The following PRDM12 variants were observed in gnomAD, a reference collection of about 807,000 sequenced individuals.
PRDM12 encodes the protein PR/SET domain 12.
PRDM12 carries 17 observed loss-of-function variants against 29.6 expected under a neutral mutation model. The ratio of observed to expected loss-of-function variants is 0.57; its 90% CI spans 0.39 to 0.86. The LOEUF is 0.86. Among genes scored for constraint, PRDM12 ranks in the 40% least tolerant of loss-of-function variants. The pLI is 0.00. For missense variants in PRDM12, 422 were observed against 510.8 expected (o/e 0.83, Z 1.68); for synonymous variants, 231 against 225.8 (o/e 1.02, Z -0.21).
chr9:130,666,886 C>T (rs1830738994), intron 2 of PRDM12, 88 bp downstream of exon 2: 3 of 1,476,734 alleles, frequency 2.0e-6, no homozygotes, highest in East Asian at 4.9e-5. Flanking sequence ...GTCGCCGCTT[C>T]CACCCGGGCT....
intron 3 of PRDM12, among the ~76,000 whole-genome samples, chr9:130,678,150 T>G (rs1830860203): frequency 6.6e-6 from 1 of 151,986 alleles, no homozygotes; most frequent in African/African-American, 2.4e-5. Flanking sequence ...AACATCTGGC[T>G]CAGCCCTGCA....
Position 130,668,369 on chromosome 9 carries a change from G to T in PRDM12, c.570+56G>T. On this transcript the variant is annotated intron_variant, in intron 3 of 4. Transcript: ENST00000253008. This position sits in a 1 kb window ranked among gnomAD's most constrained non-coding sequence, Gnocchi z 4.0. ...GGACCAGCCGGTAAACCCGGCGGGG[G>T]GAGGTGTGCAGGGCAGCGGTGTCCA... The T allele has an allele frequency of 1.2e-6, 2 of 1,605,660 alleles. No homozygotes were observed. The highest frequency in any genetic ancestry group is 1.7e-6 in the Non-Finnish European group (2 of 1,173,936).
At chr9:130,670,112 G>C (rs543736142) in intron 3 of PRDM12, among the ~76,000 whole-genome samples, 13 of 152,152 alleles carry the variant, frequency 8.5e-5, no homozygotes, top group Non-Finnish European at 1.9e-4. Context: ...CCCACAGGCT[G>C]CTGGGGGTAG....
At chr9:130,677,650 C>G (rs952596131) in intron 3 of PRDM12, among the ~76,000 whole-genome samples, 1 of 152,220 alleles carries the variant, frequency 6.6e-6, no homozygotes, top group South Asian at 2.1e-4. Flanking sequence ...TGGAGCTTCC[C>G]CACTTGGGAG....
At chr9:130,678,482 C>G in intron 3 of PRDM12, 47 bp from the exon 4 acceptor site, 1 of 1,434,186 alleles carries the variant, frequency 7.0e-7, no homozygotes, top group Non-Finnish European at 9.7e-7. Flanking sequence ...CAACTCTCAC[C>G]TCCCAGCTGC....
chr9:130,680,457 AC>A (rs1588189332), intron 4 of PRDM12, among the ~76,000 whole-genome samples: 1 of 151,156 alleles, frequency 6.6e-6, no homozygotes, highest in Non-Finnish European at 1.5e-5. Context: ...ACATGGTGAA[AC>A]CCCGTCTGTA....
At chr9:130,665,653 C>T (rs955241655) in intron 1 of PRDM12, among the ~76,000 whole-genome samples, 10 of 152,190 alleles carry the variant, frequency 6.6e-5, no homozygotes, top group Non-Finnish European at 4.4e-5. Flanking sequence ...CAGCATTCTT[C>T]CAGGGCTAAT....
At chr9:130,680,632 A>T (rs868770483) in intron 4 of PRDM12, among the ~76,000 whole-genome samples, 1,191 of 76,730 alleles carry the variant, frequency 0.016, 13 homozygotes, top group African/African-American at 0.061. Context: ...CTAAAAAAAA[A>T]AAATATATAT....
At chr9:130,672,996 G>A (rs142134881) in intron 3 of PRDM12, among the ~76,000 whole-genome samples, 135 of 152,346 alleles carry the variant, frequency 8.9e-4, no homozygotes, top group African/African-American at 3.1e-3. Context: ...AAAGAGACTC[G>A]GGCGCTGGTA....
chr9:130,674,532 G>GTA (rs10667683), intron 3 of PRDM12, among the ~76,000 whole-genome samples: 1 of 144,678 alleles, frequency 6.9e-6, no homozygotes, highest in Non-Finnish European at 1.5e-5. Context: ...GTGTGTGTGT[G>GTA]TATAGAAGTA....
intron 1 of PRDM12, among the ~76,000 whole-genome samples, chr9:130,665,312 G>C (rs1830722190): frequency 6.6e-6 from 1 of 152,100 alleles, no homozygotes; most frequent in Admixed American, 6.5e-5. Context: ...GGCTGGGGAG[G>C]GGGTGGAGGG....
At position 130,664,638 on chromosome 9, in the gene PRDM12, G is replaced by A. The variant is rs1588183134; in HGVS notation, c.-16G>A. 2 of 1,534,902 alleles carry A rather than the reference G, an allele frequency of 1.3e-6. No individual in the cohort carries two copies. The highest frequency in any genetic ancestry group is 2.4e-5 in the East Asian group (1 of 41,722). ...GGCCCGGCCGTCCCCCGGCGCCGGG[G>A]AGCTCCGGGCCGCCCATGATGGGCT... On this transcript the variant is annotated 5_prime_UTR_variant, in exon 1 of 5. Transcript: ENST00000253008. The surrounding 1 kb of genome is among the most constrained non-coding windows in gnomAD (Gnocchi z 6.4).
chr9:130,669,159 C>A (rs935823064), intron 3 of PRDM12, among the ~76,000 whole-genome samples: 1 of 151,694 alleles, frequency 6.6e-6, no homozygotes, highest in African/African-American at 2.4e-5. Flanking sequence ...AACCCCGTCT[C>A]TACTAAAAAT....
rs1452741649 is a variant in PRDM12, at chr9:130,668,284, G to A, written c.541G>A (p.Gly181Ser). The change falls in exon 3 of 5, where the codon GGC (glycine) becomes AGC (serine). Residue 181 changes from glycine to serine, a missense_variant. Coordinates refer to ENST00000253008, the MANE Select transcript of PRDM12 (RefSeq NM_021619.3). This position sits in a 1 kb window ranked among gnomAD's most constrained non-coding sequence, Gnocchi z 4.0. ...GCAGAACCTGGAGGTGGTCCAGATCGGCACCAGCATCTTCTACAAGGCCAT... is the reference window on the plus strand; with the variant it reads ...GCAGAACCTGGAGGTGGTCCAGATCAGCACCAGCATCTTCTACAAGGCCAT... ...QEQNLEVVQI[G>S]TSIFYKAIEM... 6.2e-6 allele frequency: 10 copies of A among 1,613,988 alleles called. No homozygotes were observed. The highest frequency in any genetic ancestry group is 4.0e-5 in the African/African-American group (3 of 74,880).
In PRDM12 at chr9:130,681,128, G is replaced by A. The variant is rs1830896084; in HGVS notation, c.683-120G>A. The stretch of plus-strand genomic sequence containing the variant: ...CGTCCAAGCAGCACCCACCCTCAAG[G>A]ACGGACCGGCCCCGGGCTGGGGGCG... On this transcript the variant is annotated intron_variant, in intron 4 of 4. Transcript: ENST00000253008. This position sits in a 1 kb window ranked among gnomAD's most constrained non-coding sequence, Gnocchi z 8.1. 3 of 1,101,286 alleles carry A rather than the reference G, an allele frequency of 2.7e-6. No homozygotes were observed. The highest frequency in any genetic ancestry group is 1.7e-5 in the African/African-American group (1 of 60,494). The allele number at this position is 1,101,286 out of a possible 1,614,324, so 68.2% of individuals were successfully genotyped here. A position where few individuals can be genotyped will look rare whatever the true frequency, so the allele number is the denominator to read the frequency against.
chr9:130,673,587 A>G (rs1361850900), intron 3 of PRDM12, among the ~76,000 whole-genome samples: 1 of 151,240 alleles, frequency 6.6e-6, no homozygotes, highest in African/African-American at 2.4e-5. Flanking sequence ...TCCTGGGTTC[A>G]GGTGATTAAA....
chr9:130,666,445 G>A (rs1316625241), intron 1 of PRDM12, among the ~76,000 whole-genome samples, 163 bp from the exon 2 acceptor site: 3 of 152,310 alleles, frequency 2.0e-5, no homozygotes, highest in Non-Finnish European at 4.4e-5. Flanking sequence ...TTGAGCCTCC[G>A]CACATCCGAC....
chr9:130,673,542 G>C (rs1830807714), intron 3 of PRDM12, among the ~76,000 whole-genome samples: 1 of 151,780 alleles, frequency 6.6e-6, no homozygotes, highest in Non-Finnish European at 1.5e-5. Context: ...CTCTGTCTCT[G>C]AGGCTGGAGT....
At chr9:130,672,942 A>C (rs1322376357) in intron 3 of PRDM12, among the ~76,000 whole-genome samples, 1 of 152,224 alleles carries the variant, frequency 6.6e-6, no homozygotes, top group African/African-American at 2.4e-5. Flanking sequence ...TTCTGGGCTG[A>C]TAGGGCCCAG....
Sources: gnomAD v4.1 joint callset for allele counts (sites outside exome capture counted in the v4.1 genomes callset) on GRCh38, gnomAD v4.1.1 for gene constraint, Gnocchi (gnomAD v3.1) non-coding constraint, MANE v1.5 for transcripts, NCBI Gene and HGNC (gene_info 2026-07-23, HGNC 2026-07-21) for gene names.